The following TBC1D14 variants were observed in gnomAD, a reference collection of about 807,000 sequenced individuals.
TBC1D14 encodes the protein TBC1 domain family, member 14.
TBC1D14 carries 26 observed loss-of-function variants against 79.0 expected under a neutral mutation model. The observed-to-expected ratio is 0.33, with a 90% CI of 0.24 to 0.46. TBC1D14 has a LOEUF of 0.46. TBC1D14 is among the 20% of genes least tolerant of loss of function. The pLI, the probability that TBC1D14 is intolerant of heterozygous loss-of-function variation, is 1.00. For missense variants in TBC1D14, 769 were observed against 887.6 expected (o/e 0.87, Z 1.70); for synonymous variants, 394 against 349.9 (o/e 1.13, Z -1.40).
intron 5 of TBC1D14, chr4:6,998,743 T>C (rs1247765670): frequency 9.9e-6 from 2 of 202,702 alleles, no homozygotes; most frequent in African/African-American, 2.4e-5. Context: ...TTCACCACTT[T>C]GGCCGGGCTG....
intron 3 of TBC1D14, among the ~76,000 whole-genome samples, chr4:6,988,885 C>CTTTCTTTTTT (rs748889966): frequency 2.0e-4 from 15 of 76,812 alleles, no homozygotes; most frequent in South Asian, 5.7e-4. Context: ...TTCTTTCTTT[C>CTTTCTTTTTT]TTTTTTTTTT....
chr4:6,986,955 A>G (rs1012376543), intron 3 of TBC1D14, among the ~76,000 whole-genome samples: 17 of 152,134 alleles, frequency 1.1e-4, no homozygotes, highest in Admixed American at 4.6e-4. Context: ...TTTTTGTGCA[A>G]TTTCTTTTGG....
chr4:7,013,695 C>T (rs1006334802), intron 11 of TBC1D14, among the ~76,000 whole-genome samples: 2 of 151,928 alleles, frequency 1.3e-5, no homozygotes, highest in Non-Finnish European at 2.9e-5. Context: ...TCGTGTAGCC[C>T]CCTGGAAGTG....
At chr4:6,959,461 G>T (rs1479790492) in intron 2 of TBC1D14, among the ~76,000 whole-genome samples, 1 of 152,140 alleles carries the variant, frequency 6.6e-6, no homozygotes, top group African/African-American at 2.4e-5. Flanking sequence ...GCCTTCCCCC[G>T]GGCTGGTGTG....
At chr4:6,967,621 A>C (rs569843626) in intron 3 of TBC1D14, among the ~76,000 whole-genome samples, 197 bp downstream of exon 3, 1 of 152,374 alleles carries the variant, frequency 6.6e-6, no homozygotes, top group South Asian at 2.1e-4. Flanking sequence ...TGTAACATGC[A>C]CATAGGAAAG....
Position 6,994,433 on chromosome 4 carries a change from T to C in TBC1D14, c.962+131T>C, listed in dbSNP as rs1337587160. ...AGTAAGCCAGAATCACTTCTTATTC[T>C]CTATATTAACATGTGTTCTGTAATT... On this transcript the variant is annotated intron_variant, in intron 4 of 13. Transcript: ENST00000409757. The C allele has an allele frequency of 5.8e-5, 45 of 773,442 alleles. 2 individuals carry two copies. In the South Asian group the frequency reaches 6.4e-4, roughly 11 times the overall value. The allele number at this position is 773,442 out of a possible 1,614,324, so 47.9% of individuals were successfully genotyped here.
At chr4:6,926,142 A>G (rs559648086) in intron 2 of TBC1D14, among the ~76,000 whole-genome samples, 34 of 152,214 alleles carry the variant, frequency 2.2e-4, no homozygotes, top group Non-Finnish European at 1.5e-4. Context: ...CGAACGCCAC[A>G]CGCTCACCTT....
chr4:6,934,439 G>A lies in TBC1D14; in HGVS notation c.722+10328G>A, dbSNP rs564803255. ...GACTGTTCAAGCACTTTGGGAGACC[G>A]AGGCAAGTCAGGAGTTCGAGACCAG... On this transcript the variant is annotated intron_variant, in intron 2 of 13. Coordinates refer to ENST00000409757, the MANE Select transcript of TBC1D14 (RefSeq NM_020773.3). Among the ~76,000 whole-genome samples, 12 of 151,990 alleles carry A rather than the reference G, an allele frequency of 7.9e-5. No homozygotes were observed. The East Asian group carries it at 9.7e-4, about 12-fold the overall frequency.
At position 6,922,203 on chromosome 4, in the gene TBC1D14, G is replaced by A. The variant is rs533040362; in HGVS notation, c.-17-1170G>A. Reference sequence around the variant, plus strand: ...AGAGTACCTGGGACTGCAGGCATGTGCCACCACCCCCAGTTGATTTTTTTT... The same window carrying A: ...AGAGTACCTGGGACTGCAGGCATGTACCACCACCCCCAGTTGATTTTTTTT... On this transcript the variant is annotated intron_variant, in intron 1 of 13. Coordinates refer to ENST00000409757, the MANE Select transcript of TBC1D14 (RefSeq NM_020773.3). 1.2e-3 allele frequency among the ~76,000 whole-genome samples: 184 copies of A among 152,212 alleles called. 1 individual carries two copies. The highest frequency in any genetic ancestry group is 4.0e-3 in the African/African-American group (165 of 41,538).
intron 1 of TBC1D14, among the ~76,000 whole-genome samples, chr4:6,916,417 G>C (rs1412904123): frequency 6.6e-6 from 1 of 152,186 alleles, no homozygotes; most frequent in Non-Finnish European, 1.5e-5. Flanking sequence ...TTCCCCTGTG[G>C]GAACACACCT....
intron 3 of TBC1D14, among the ~76,000 whole-genome samples, chr4:6,978,071 G>GA (rs1462954740): frequency 1.3e-5 from 2 of 150,890 alleles, no homozygotes; most frequent in Non-Finnish European, 1.5e-5. Context: ...GAGGGAGGTG[G>GA]GGGTCAGCCC....
At chr4:6,969,606 C>T (rs1329795353) in intron 3 of TBC1D14, among the ~76,000 whole-genome samples, 1 of 152,100 alleles carries the variant, frequency 6.6e-6, no homozygotes, top group Non-Finnish European at 1.5e-5. Flanking sequence ...GGGGTTTCAA[C>T]ATGTTAGCCA....
chr4:7,017,849 G>A (rs748455971), intron 12 of TBC1D14, among the ~76,000 whole-genome samples: 4 of 152,216 alleles, frequency 2.6e-5, no homozygotes, highest in Non-Finnish European at 5.9e-5. Flanking sequence ...TATTTCCTGA[G>A]TCAGCATTTA....
In TBC1D14 at chr4:7,033,062, T is replaced by C. The variant is rs1723204881; in HGVS notation, c.*2670T>C. The C allele has an allele frequency of 6.5e-6, 1 of 152,700 alleles. No homozygotes were observed. Among genetic ancestry groups the C allele is most frequent in the Non-Finnish European group, 1.5e-5 (1 of 68,048 alleles). The allele number at this position is 152,700 out of a possible 1,614,324, so 9.5% of individuals were successfully genotyped here. A position where few individuals can be genotyped will look rare whatever the true frequency, so the allele number is the denominator to read the frequency against. On this transcript the variant is annotated 3_prime_UTR_variant, in exon 14 of 14. Coordinates refer to ENST00000409757, the MANE Select transcript of TBC1D14 (RefSeq NM_020773.3). ...GTAAAGTGTATCAAAGTAGGACTTT[T>C]TTGAATTGTAAATAGGTGGTTTTAT...
At position 6,947,853 on chromosome 4, in the gene TBC1D14, GGTTA is replaced by G. The variant is rs1022719609; in HGVS notation, c.723-19446_723-19443del. On this transcript the variant is annotated intron_variant, in intron 2 of 13. Transcript: ENST00000409757. ...GACGTTCGTGGCAGAGTCATTTCAG[GGTTA>G]GTTAATGAATACCTTTTAATGCAGT... Among the ~76,000 whole-genome samples the G allele has an allele frequency of 7.0e-4, 106 of 152,190 alleles. 1 individual carries two copies. Among genetic ancestry groups the G allele is most frequent in the African/African-American group, 2.3e-3 (95 of 41,508 alleles).
intron 13 of TBC1D14, among the ~76,000 whole-genome samples, chr4:7,025,582 C>T (rs928679279): frequency 6.6e-6 from 1 of 152,176 alleles, no homozygotes; most frequent in Non-Finnish European, 1.5e-5. Context: ...AAGCCACGTA[C>T]CCCCCTTTTT....
chr4:7,021,770 T>C (rs1258795974), intron 12 of TBC1D14, among the ~76,000 whole-genome samples: 1 of 152,152 alleles, frequency 6.6e-6, no homozygotes, highest in Non-Finnish European at 1.5e-5. Flanking sequence ...AACGTAAACA[T>C]CTTTTGGGAG....
intron 2 of TBC1D14, among the ~76,000 whole-genome samples, chr4:6,927,341 A>G (rs1417418853): frequency 6.6e-6 from 1 of 152,046 alleles, no homozygotes; most frequent in Non-Finnish European, 1.5e-5. Context: ...TCAGGAGTTC[A>G]TGCTGGCTGG....
At chr4:6,940,495 G>A (rs1712802280) in intron 2 of TBC1D14, among the ~76,000 whole-genome samples, 1 of 152,122 alleles carries the variant, frequency 6.6e-6, no homozygotes, top group African/African-American at 2.4e-5. Context: ...TGGTCAGATA[G>A]GTATAGCGGG....
Sources: allele counts gnomAD v4.1 joint callset (sites outside exome capture counted in the v4.1 genomes callset), GRCh38; gene constraint gnomAD v4.1.1; transcripts MANE v1.5; gene names NCBI Gene and HGNC (gene_info 2026-07-23, HGNC 2026-07-21).